Variants in WDPCP observed in about 807,000 individuals in gnomAD.
WDPCP encodes WD repeat-containing and planar cell polarity effector protein fritz homolog.
Under a neutral mutation model 93.1 loss-of-function variants are expected in WDPCP, and 71 were observed. The observed-to-expected ratio is 0.76, with a 90% CI of 0.63 to 0.93. The LOEUF (loss-of-function observed/expected upper bound fraction) is 0.93, where lower values mean the gene tolerates loss of function less well. Among genes scored for constraint, WDPCP ranks in the 40% least tolerant of loss-of-function variants. The probability of loss-of-function intolerance (pLI) is 0.00; values close to 1 mark genes in which losing one functional copy is unlikely to be tolerated. For missense variants in WDPCP, 844 were observed against 887.4 expected (o/e 0.95, Z 0.62); for synonymous variants, 315 against 315.0 (o/e 1.00, Z 0.00).
chr2:63,506,910 C>CA (rs2106050958), intron 1 of WDPCP, among the ~76,000 whole-genome samples: 1 of 151,614 alleles, frequency 6.6e-6, no homozygotes, highest in African/African-American at 2.4e-5. Context: ...AGAGCCAAAA[C>CA]AAAAACAGAC....
intron 13 of WDPCP, among the ~76,000 whole-genome samples, chr2:63,282,630 T>A (rs1484796513): frequency 6.6e-6 from 1 of 152,200 alleles, no homozygotes; most frequent in Non-Finnish European, 1.5e-5. Flanking sequence ...TCTCTCTGAA[T>A]GTAATTTTTT....
intron 2 of WDPCP, among the ~76,000 whole-genome samples, chr2:63,713,929 T>C (rs1258867538): frequency 6.6e-6 from 1 of 152,194 alleles, no homozygotes; most frequent in East Asian, 1.9e-4. Flanking sequence ...CTTCCCCTGA[T>C]ATTTATAGAG....
Position 63,229,033 on chromosome 2 carries a change from G to A in WDPCP, c.1915+30274C>T, listed in dbSNP as rs1447830780. The A allele has an allele frequency of 3.3e-5, 5 of 152,120 alleles. No individual in the cohort carries two copies. The East Asian group carries it at 7.7e-4, about 24-fold the overall frequency. 9.4% of individuals were successfully genotyped at this position (152,120 alleles called of 1,614,324 possible). A position where few individuals can be genotyped will look rare whatever the true frequency, so the allele number is the denominator to read the frequency against. On this transcript the variant is annotated intron_variant, in intron 14 of 17. Transcript: ENST00000272321. ...ACTGACTTCCACAATGGTTGAACTA[G>A]TTTACAGTCCCACCAACAGTGTAAA...
Position 63,628,536 on chromosome 2 carries a change from T to C in WDPCP, n.488+22123A>G, listed in dbSNP as rs528783490. ...GAGGAAAAACTAAGACAGAGTGATC[T>C]TAAAATAGAGAGGTTTCAGTTTAAG... On this transcript the variant is annotated intron_variant and non_coding_transcript_variant, in intron 3 of 4. Transcript: ENST00000467687. Among the ~76,000 whole-genome samples, 4 of 152,288 alleles carry C rather than the reference T, an allele frequency of 2.6e-5. No individual in the cohort carries two copies. In the South Asian group the frequency reaches 8.3e-4, roughly 32 times the overall value.
At chr2:63,761,511 A>G (rs1169754500) in intron 2 of WDPCP, among the ~76,000 whole-genome samples, 3 of 152,118 alleles carry the variant, frequency 2.0e-5, no homozygotes, top group African/African-American at 7.2e-5. Flanking sequence ...ATTAAGCATT[A>G]ACTCACGCAA....
intron 12 of WDPCP, among the ~76,000 whole-genome samples, chr2:63,324,909 G>A (rs975730558): frequency 6.6e-6 from 1 of 152,194 alleles, no homozygotes; most frequent in African/African-American, 2.4e-5. Context: ...AAATCCTTCT[G>A]CTTTCCTCAA....
At position 63,281,414 on chromosome 2, in the gene WDPCP, A is replaced by G. The variant is rs189283568; in HGVS notation, c.1813-22005T>C. The stretch of plus-strand genomic sequence containing the variant: ...AACTAGTACAACCACTGTGGAAAAC[A>G]GTGTGGAGATTCTGTGAAGAACTAA... On this transcript the variant is annotated intron_variant, in intron 13 of 17. Transcript: ENST00000272321. Among the ~76,000 whole-genome samples, 121 of 152,344 alleles carry G rather than the reference A, an allele frequency of 7.9e-4. 1 individual carries two copies. Among genetic ancestry groups the G allele is most frequent in the African/African-American group, 2.9e-3 (119 of 41,580 alleles).
chr2:63,478,255 C>G (rs1558687759), intron 6 of WDPCP, among the ~76,000 whole-genome samples: 1 of 152,022 alleles, frequency 6.6e-6, no homozygotes, highest in African/African-American at 2.4e-5. Flanking sequence ...GACTTCAATA[C>G]TCCACTGACA....
chr2:63,244,757 C>T (rs1483698568), intron 14 of WDPCP, among the ~76,000 whole-genome samples: 1 of 152,150 alleles, frequency 6.6e-6, no homozygotes, highest in Non-Finnish European at 1.5e-5. Context: ...GGTACAGCCA[C>T]ATTTCCCCTC....
At chr2:63,614,700 A>C (rs1178445554) in intron 3 of WDPCP, among the ~76,000 whole-genome samples, 1 of 152,200 alleles carries the variant, frequency 6.6e-6, no homozygotes, top group Non-Finnish European at 1.5e-5. Context: ...TAAAACCTAG[A>C]AAGACCTCTT....
At chr2:63,702,305 C>A (rs1340578243) in intron 2 of WDPCP, among the ~76,000 whole-genome samples, 1 of 152,106 alleles carries the variant, frequency 6.6e-6, no homozygotes, top group African/African-American at 2.4e-5. Context: ...GGATTACAGG[C>A]GTGAGCCACC....
At chr2:63,781,731 A>G (rs908094795) in intron 2 of WDPCP, among the ~76,000 whole-genome samples, 1 of 152,134 alleles carries the variant, frequency 6.6e-6, no homozygotes, top group Non-Finnish European at 1.5e-5. Flanking sequence ...GCTTGGGGGA[A>G]CTAGGGAAGC....
chr2:63,567,045 C>G (rs1462832319), intron 1 of WDPCP, among the ~76,000 whole-genome samples: 1 of 152,160 alleles, frequency 6.6e-6, no homozygotes. Flanking sequence ...AAGGTTAGGA[C>G]AGGGCTTCTA....
chr2:63,276,690 T>G (rs1335172864), intron 13 of WDPCP, among the ~76,000 whole-genome samples: 2 of 152,174 alleles, frequency 1.3e-5, no homozygotes, highest in African/African-American at 4.8e-5. Flanking sequence ...GAAAAAATAA[T>G]TTATAAATGT....
At chr2:63,788,116 T>C (rs140713168) in intron 2 of WDPCP, among the ~76,000 whole-genome samples, 150 of 152,300 alleles carry the variant, frequency 9.8e-4, no homozygotes, top group African/African-American at 3.2e-3. Flanking sequence ...ATTTTAATCT[T>C]GTAAAGAACT....
intron 1 of WDPCP, among the ~76,000 whole-genome samples, chr2:63,521,546 A>G: frequency 6.6e-6 from 1 of 152,230 alleles, no homozygotes; most frequent in East Asian, 1.9e-4. Flanking sequence ...AGAAATCTAC[A>G]AAGAGACTTA....
At chr2:63,353,817 T>C (rs903186096) in intron 12 of WDPCP, among the ~76,000 whole-genome samples, 2 of 152,140 alleles carry the variant, frequency 1.3e-5, no homozygotes, top group Non-Finnish European at 2.9e-5. Flanking sequence ...CTCCAGGTAC[T>C]GGAAAATCCG....
chr2:63,137,218 C>CTGTTGTTGTTGT (rs149696628), intron 17 of WDPCP, among the ~76,000 whole-genome samples: 4 of 151,908 alleles, frequency 2.6e-5, no homozygotes, highest in African/African-American at 9.7e-5. Flanking sequence ...TTGCCATCAT[C>CTGTTGTTGTTGT]TGTTGTTGTT....
At chr2:63,369,581 A>T (rs1286570904) in intron 12 of WDPCP, 10 of 450,062 alleles carry the variant, frequency 2.2e-5, no homozygotes, top group African/African-American at 2.0e-4. Context: ...GTACATCCCA[A>T]ATGAAAAAAA....
Sources: gnomAD v4.1 joint callset for allele counts (sites outside exome capture counted in the v4.1 genomes callset) on GRCh38, gnomAD v4.1.1 for gene constraint, MANE v1.5 for transcripts, NCBI Gene and HGNC (gene_info 2026-07-23, HGNC 2026-07-21) for gene names.